The following SNX24 variants were observed in gnomAD, a reference collection of about 807,000 sequenced individuals.
SNX24 encodes sorting nexin 24.
A neutral mutation model predicts 28.7 loss-of-function variants in SNX24; 22 were observed. The observed-to-expected ratio is 0.77, with a 90% CI of 0.55 to 1.10. The LOEUF is 1.10. Among genes scored for constraint, SNX24 ranks in the 50% least tolerant of loss-of-function variants. The pLI is 0.00. For synonymous variants in SNX24, 69 were observed against 71.5 expected, an observed-to-expected ratio of 0.96 and a Z score of 0.18; for missense variants, 221 against 201.1, an observed-to-expected ratio of 1.10 and a Z score of -0.60.
At chr5:122,866,367 T>C (rs1382788128) in intron 1 of SNX24, among the ~76,000 whole-genome samples, 1 of 152,332 alleles carries the variant, frequency 6.6e-6, no homozygotes, top group African/African-American at 2.4e-5. Flanking sequence ...CAGGCTGGTC[T>C]GGAGCTCCTG....
At chr5:122,884,251 C>CTTTTT (rs758617172) in intron 1 of SNX24, among the ~76,000 whole-genome samples, 38 of 92,768 alleles carry the variant, frequency 4.1e-4, no homozygotes, top group Middle Eastern at 6.1e-3. Flanking sequence ...GTTTCTTTTT[C>CTTTTT]TTTTTTTTTT....
intron 1 of SNX24, among the ~76,000 whole-genome samples, chr5:122,913,874 G>A (rs894418777): frequency 1.4e-4 from 22 of 152,190 alleles, no homozygotes; most frequent in Non-Finnish European, 3.1e-4. Flanking sequence ...TTGGGAGGCC[G>A]AGGCTGGCGG....
rs756911007 is a variant in SNX24, at chr5:122,845,618, G to C, written c.-16G>C. 1.4e-6 allele frequency: 2 copies of C among 1,382,808 alleles called. No homozygotes were observed. The highest frequency in any genetic ancestry group is 3.0e-5 in the African/African-American group (2 of 67,640). 85.7% of individuals were successfully genotyped at this position (1,382,808 alleles called of 1,614,324 possible). A position where few individuals can be genotyped will look rare whatever the true frequency, so the allele number is the denominator to read the frequency against. ...CCTGCCCCCAACTCGCCCTCAGCCG[G>C]CTGGCCGGCGCGGCCATGGAGGTCT... On this transcript the variant is annotated 5_prime_UTR_variant, in exon 1 of 7. Coordinates refer to ENST00000261369, the MANE Select transcript of SNX24 (RefSeq NM_014035.4).
At chr5:122,900,793 AAAC>A in intron 1 of SNX24, among the ~76,000 whole-genome samples, 1 of 152,128 alleles carries the variant, frequency 6.6e-6, no homozygotes, top group Non-Finnish European at 1.5e-5. Context: ...AAAAGAAATA[AAAC>A]AACAGGGAAA....
At chr5:122,864,227 C>A (rs773986883) in intron 1 of SNX24, among the ~76,000 whole-genome samples, 1 of 152,056 alleles carries the variant, frequency 6.6e-6, no homozygotes, top group Non-Finnish European at 1.5e-5. Flanking sequence ...CATGTTAGTT[C>A]TGTAGAAGGA....
chr5:123,028,676 T>TG (rs1762898124), intron 5 of SNX24: 2 of 936,828 alleles, frequency 2.1e-6, no homozygotes, highest in Non-Finnish European at 3.2e-6. Flanking sequence ...TTTACAACTG[T>TG]GTTCCTTAGC....
In SNX24 at chr5:123,007,714, C is replaced by A; in HGVS notation, c.475C>A (p.His159Asn). The change falls in exon 7 of 7, where the codon CAT (histidine) becomes AAT (asparagine). Residue 159 changes from histidine to asparagine, a missense_variant. Transcript: ENST00000261369. Reference protein sequence around the residue: ...FPNVVIEGVLHGIFYPHLQPR With the variant: ...FPNVVIEGVLNGIFYPHLQPR The stretch of plus-strand genomic sequence containing the variant: ...AAATGTGGTTATTGAAGGAGTCCTC[C>A]ATGGGATATTTTACCCTCATCTACA... 1 of 1,598,168 alleles carries A rather than the reference C, an allele frequency of 6.3e-7. No individual in the cohort carries two copies. Among genetic ancestry groups the A allele is most frequent in the South Asian group, 1.2e-5 (1 of 86,376 alleles).
At chr5:122,904,665 A>G (rs552062273) in intron 1 of SNX24, among the ~76,000 whole-genome samples, 1 of 152,356 alleles carries the variant, frequency 6.6e-6, no homozygotes, top group South Asian at 2.1e-4. Flanking sequence ...TTAATAATTT[A>G]CATGATCATC....
intron 1 of SNX24, among the ~76,000 whole-genome samples, chr5:122,877,352 A>C (rs1756270977): frequency 6.6e-6 from 1 of 152,148 alleles, no homozygotes; most frequent in South Asian, 2.1e-4. Flanking sequence ...GAAAATGAGG[A>C]AACCAGGCTG....
intron 1 of SNX24, among the ~76,000 whole-genome samples, chr5:122,888,266 G>C (rs1382228028): frequency 6.6e-6 from 1 of 152,054 alleles, no homozygotes. Context: ...ACACTGTTTT[G>C]TTGCATCCTC....
chr5:122,862,665 C>A, intron 1 of SNX24, among the ~76,000 whole-genome samples: 2 of 146,584 alleles, frequency 1.4e-5, no homozygotes, highest in East Asian at 2.0e-4. Flanking sequence ...ATTAAAGAAA[C>A]CCAATGTAAA....
rs1759670702 is a variant in SNX24 at position 122,946,067 on chromosome 5, A to G, written c.157A>G (p.Ile53Val). The G allele has an allele frequency of 1.3e-6, 2 of 1,583,858 alleles. No homozygotes were observed. The highest frequency in any genetic ancestry group is 1.1e-5 in the South Asian group (1 of 88,260). ...TCTGTCTTTATAGCTTAAGAAATGT[A>G]TAAAAACTCCAGAAATCCCTTCTAA... ...HALHKKLKKC[I>V]KTPEIPSKHV... Residue 53 changes from isoleucine to valine, a missense_variant, in exon 3 of 7, where the codon ATA (isoleucine) becomes GTA (valine). Coordinates refer to ENST00000261369, the MANE Select transcript of SNX24 (RefSeq NM_014035.4).
At chr5:122,953,513 T>G (rs1344726526) in intron 3 of SNX24, among the ~76,000 whole-genome samples, 1 of 116,064 alleles carries the variant, frequency 8.6e-6, no homozygotes, top group Non-Finnish European at 1.7e-5. Context: ...TGAGACAAGA[T>G]CCATAATCTT....
chr5:122,895,923 C>T (rs549831396), intron 1 of SNX24, among the ~76,000 whole-genome samples: 2 of 152,250 alleles, frequency 1.3e-5, no homozygotes, highest in East Asian at 3.9e-4. Flanking sequence ...CCAAGGTGGG[C>T]AAATCACTTG....
intron 5 of SNX24, among the ~76,000 whole-genome samples, chr5:123,021,603 C>T (rs1459059847): frequency 6.6e-6 from 1 of 152,180 alleles, no homozygotes; most frequent in South Asian, 2.1e-4. Flanking sequence ...ACTGCTTCCA[C>T]TTTTAGCCCT....
chr5:122,894,037 C>CG (rs1037290019), intron 1 of SNX24, among the ~76,000 whole-genome samples: 1 of 142,002 alleles, frequency 7.0e-6, no homozygotes, highest in Non-Finnish European at 1.5e-5. Context: ...GACTCCAAAT[C>CG]GAAAAAAAAA....
At chr5:122,996,726 C>T (rs1762064066) in intron 3 of SNX24, among the ~76,000 whole-genome samples, 1 of 152,078 alleles carries the variant, frequency 6.6e-6, no homozygotes, top group African/African-American at 2.4e-5. Flanking sequence ...CCTGAAAGCC[C>T]ACATACTTCC....
intron 1 of SNX24, among the ~76,000 whole-genome samples, chr5:122,871,322 T>C (rs1755967646): frequency 6.6e-6 from 1 of 152,188 alleles, no homozygotes; most frequent in African/African-American, 2.4e-5. Flanking sequence ...GTAGGGTAGA[T>C]AGCTTCCCTG....
At chr5:122,931,727 T>C (rs1424720090) in intron 1 of SNX24, among the ~76,000 whole-genome samples, 3 of 152,314 alleles carry the variant, frequency 2.0e-5, no homozygotes, top group African/African-American at 7.2e-5. Flanking sequence ...ACTTGGAACC[T>C]TGGGCTTAAA....
Sources: allele counts gnomAD v4.1 joint callset (sites outside exome capture counted in the v4.1 genomes callset), GRCh38; gene constraint gnomAD v4.1.1; transcripts MANE v1.5; gene names NCBI Gene and HGNC (gene_info 2026-07-23, HGNC 2026-07-21).